RIMKLA: variants seen among roughly 807,000 people sequenced by gnomAD.
RIMKLA encodes the protein N-acetylaspartylglutamate synthase A.
A neutral mutation model predicts 32.7 loss-of-function variants in RIMKLA; 14 were observed. The ratio of observed to expected loss-of-function variants is 0.43; its 90% confidence interval spans 0.28 to 0.67. The LOEUF (loss-of-function observed/expected upper bound fraction) is 0.67. Ranked by LOEUF, RIMKLA falls within the 30% of genes least tolerant of loss-of-function variation. RIMKLA has a pLI of 0.18. For synonymous variants in RIMKLA, 176 were observed against 204.1 expected (o/e 0.86, Z 1.18); for missense variants, 410 against 519.0 (o/e 0.79, Z 2.04).
chr1:42,410,221 A>G, intron 4 of RIMKLA, 34 bp downstream of exon 4: 1 of 1,571,744 alleles, frequency 6.4e-7, no homozygotes, highest in Non-Finnish European at 8.8e-7. Flanking sequence ...TTATTAGGGT[A>G]TTTGGACCCA....
intron 2 of RIMKLA, among the ~76,000 whole-genome samples, chr1:42,402,591 CT>C (rs34477169): frequency 0.41 from 58,690 of 142,558 alleles, 11,696 homozygotes; most frequent in Middle Eastern, 0.55. Context: ...ACCTGGCTAA[CT>C]TTTTTTTTTT....
chr1:42,396,884 C>A (rs1643052802), intron 1 of RIMKLA, among the ~76,000 whole-genome samples: 1 of 152,174 alleles, frequency 6.6e-6, no homozygotes, highest in South Asian at 2.1e-4. Flanking sequence ...TATTTACTAT[C>A]TTAAGCAACT....
At chr1:42,392,049 T>G (rs17369560) in intron 1 of RIMKLA, among the ~76,000 whole-genome samples, 22,910 of 152,208 alleles carry the variant, frequency 0.15, 1,821 homozygotes, top group East Asian at 0.22. Context: ...CTTGAGACAT[T>G]CTTGAACTCA....
chr1:42,404,521 A>G lies in RIMKLA; in HGVS notation c.405A>G (p.Glu135=). 1.2e-6 allele frequency: 2 copies of G among 1,613,080 alleles called. No homozygotes were observed. The highest frequency in any genetic ancestry group is 1.7e-6 in the Non-Finnish European group (2 of 1,179,170). The stretch of plus-strand genomic sequence containing the variant: ...ACCTTTTCTTGGCAGGTGGGCATGA[A>G]GACTTTTCAAAAATGATTGATGAAG... The part of the protein sequence containing the change: ...MPDTFSYGGH[E]DFSKMIDEAE... Residue 135 remains glutamate (E), a synonymous_variant, in exon 3 of 5, where the codon GAA becomes GAG. Transcript: ENST00000431473.
intron 4 of RIMKLA, chr1:42,412,560 A>C (rs1643207397): frequency 2.1e-6 from 1 of 477,054 alleles, no homozygotes; most frequent in Non-Finnish European, 4.1e-6. Flanking sequence ...CAAATTGCAC[A>C]TCAGACTGGG....
At chr1:42,396,755 A>G (rs1481159339) in intron 1 of RIMKLA, among the ~76,000 whole-genome samples, 1 of 146,468 alleles carries the variant, frequency 6.8e-6, no homozygotes, top group Non-Finnish European at 1.5e-5. Flanking sequence ...TACTTTGCTT[A>G]GTAGAATGTC....
intron 1 of RIMKLA, 78 bp from the exon 2 acceptor site, chr1:42,399,326 A>G (rs1288592696): frequency 9.3e-7 from 1 of 1,079,654 alleles, no homozygotes; most frequent in African/African-American, 1.6e-5. Flanking sequence ...TTCAGTCTTG[A>G]AGAGTCTGTT....
intron 1 of RIMKLA, among the ~76,000 whole-genome samples, chr1:42,389,975 A>G (rs1309367406): frequency 6.6e-6 from 1 of 152,066 alleles, no homozygotes; most frequent in African/African-American, 2.4e-5. Context: ...GGAAGGTGAA[A>G]AACAGGATGA....
intron 3 of RIMKLA, among the ~76,000 whole-genome samples, chr1:42,409,577 G>GCCC (rs1447337345): frequency 1.3e-5 from 2 of 152,180 alleles, no homozygotes; most frequent in African/African-American, 4.8e-5. Context: ...TGTGCATCCA[G>GCCC]CCCAGTGTTA....
chr1:42,399,680 T>G (rs1643080535), intron 2 of RIMKLA, 46 bp downstream of exon 2: 3 of 1,211,906 alleles, frequency 2.5e-6, no homozygotes, highest in Non-Finnish European at 3.6e-6. Flanking sequence ...CATCTCTGTT[T>G]TCTTTCCTTA....
rs769756447 is a variant in RIMKLA, at chr1:42,423,155, G to A, written c.*8181G>A. Among the ~76,000 whole-genome samples the A allele has an allele frequency of 1.3e-5, 2 of 152,122 alleles. No individual in the cohort carries two copies. Among genetic ancestry groups the A allele is most frequent in the Non-Finnish European group, 2.9e-5 (2 of 68,026 alleles). ...CTAAGGCTATTCCCCAGCTTCTGAGGGTCAGGGAGTCCAAATTGAGGTCAG... is the reference window on the plus strand; with the variant it reads ...CTAAGGCTATTCCCCAGCTTCTGAGAGTCAGGGAGTCCAAATTGAGGTCAG... On this transcript the variant is annotated 3_prime_UTR_variant, in exon 5 of 5. Coordinates refer to ENST00000431473, the MANE Select transcript of RIMKLA (RefSeq NM_173642.4).
At chr1:42,405,734 G>A (rs1488832889) in intron 3 of RIMKLA, among the ~76,000 whole-genome samples, 1 of 152,194 alleles carries the variant, frequency 6.6e-6, no homozygotes, top group South Asian at 2.1e-4. Context: ...ATTGCAGGGT[G>A]ATCATCACTG....
chr1:42,412,224 T>C (rs1473788404), intron 4 of RIMKLA, among the ~76,000 whole-genome samples: 2 of 152,188 alleles, frequency 1.3e-5, no homozygotes, highest in Non-Finnish European at 2.9e-5. Flanking sequence ...CTTAAATCTT[T>C]CCAAGGAGAC....
In RIMKLA at chr1:42,381,048, G is replaced by C; in HGVS notation, c.114G>C (p.Arg38=). 1 of 1,331,086 alleles carries C rather than the reference G, an allele frequency of 7.5e-7. No individual in the cohort carries two copies. The highest frequency in any genetic ancestry group is 9.6e-7 in the Non-Finnish European group (1 of 1,038,022). The allele number at this position is 1,331,086 out of a possible 1,614,324, so 82.5% of individuals were successfully genotyped here. A position where few individuals can be genotyped will look rare whatever the true frequency, so the allele number is the denominator to read the frequency against. ...GCTCCGAGCAGGACGTGCGCTTCCGGGCGGTGCTTATGGACCAGATCGCCG... is the reference window on the plus strand; with the variant it reads ...GCTCCGAGCAGGACGTGCGCTTCCGCGCGGTGCTTATGGACCAGATCGCCG... ...QRCSEQDVRF[R]AVLMDQIAVT... The change falls in exon 1 of 5, where the codon CGG becomes CGC. Residue 38 remains arginine (R), a synonymous_variant. Coordinates refer to ENST00000431473, the MANE Select transcript of RIMKLA (RefSeq NM_173642.4).
At chr1:42,406,449 T>C (rs1230430611) in intron 3 of RIMKLA, among the ~76,000 whole-genome samples, 2 of 152,212 alleles carry the variant, frequency 1.3e-5, no homozygotes, top group Non-Finnish European at 2.9e-5. Flanking sequence ...GATTTGCCTG[T>C]TTTGGCTATT....
chr1:42,417,721 G>C lies in RIMKLA; in HGVS notation c.*2747G>C, dbSNP rs190409209. ...GCCTGTAATCTCAGCACTTCGGGAG[G>C]CCGAGGCGGGTGGATCATGAGGTCA... is the stretch of plus-strand genomic sequence containing the variant. On this transcript the variant is annotated 3_prime_UTR_variant, in exon 5 of 5. Transcript: ENST00000431473. The C allele has an allele frequency of 2.0e-5, 3 of 152,406 alleles. No individual in the cohort carries two copies. Among genetic ancestry groups the C allele is most frequent in the Admixed American group, 2.0e-4 (3 of 15,298 alleles). The allele number at this position is 152,406 out of a possible 1,614,324, so 9.4% of individuals were successfully genotyped here.
chr1:42,409,606 A>T (rs867922470), intron 3 of RIMKLA, among the ~76,000 whole-genome samples: 5 of 152,366 alleles, frequency 3.3e-5, no homozygotes, highest in Admixed American at 6.5e-5. Context: ...GAATTTTTTT[A>T]AAATGAGTTA....
rs1298554256 is a variant in RIMKLA, at chr1:42,422,038, A to G, written c.*7064A>G. The stretch of plus-strand genomic sequence containing the variant: ...CACCACAGAGATTGGCAAACACTCT[A>G]TATCAAGACCCCCCTCCCCGAGAGC... On this transcript the variant is annotated 3_prime_UTR_variant, in exon 5 of 5. Coordinates refer to ENST00000431473, the MANE Select transcript of RIMKLA (RefSeq NM_173642.4). 2 of 152,200 alleles carry G rather than the reference A, an allele frequency of 1.3e-5. No individual in the cohort carries two copies. Among genetic ancestry groups the G allele is most frequent in the Non-Finnish European group, 2.9e-5 (2 of 68,052 alleles). The allele number at this position is 152,200 out of a possible 1,614,324, so 9.4% of individuals were successfully genotyped here. A position where few individuals can be genotyped will look rare whatever the true frequency, so the allele number is the denominator to read the frequency against.
chr1:42,385,832 CTTTCTTTCTTTCTCTTTCTTTCTTTCTTT>C (rs1642935718), intron 1 of RIMKLA, among the ~76,000 whole-genome samples: 5 of 73,458 alleles, frequency 6.8e-5, no homozygotes, highest in South Asian at 3.9e-4. Context: ...TCCTTCCTTT[CTTTCTTTCTTTCTCTTTCTTTCTTTCTTT>C]CTTTCTTTCT....
Sources: gnomAD v4.1 joint callset for allele counts (sites outside exome capture counted in the v4.1 genomes callset) on GRCh38, gnomAD v4.1.1 for gene constraint, MANE v1.5 for transcripts, NCBI Gene and HGNC (gene_info 2026-07-23, HGNC 2026-07-21) for gene names.